SLC38A4: variants seen among roughly 807,000 people sequenced by gnomAD.
SLC38A4 encodes sodium-coupled neutral amino acid transporter 4.
A neutral mutation model predicts 63.1 loss-of-function variants in SLC38A4; 20 were observed. The observed-to-expected ratio is 0.32, with a 90% CI of 0.22 to 0.46. The LOEUF is 0.46. Among genes scored for constraint, SLC38A4 ranks in the 20% least tolerant of loss-of-function variants. The pLI is 1.00. For synonymous variants in SLC38A4, 230 were observed against 225.5 expected (o/e 1.02, Z -0.18); for missense variants, 526 against 663.6 (o/e 0.79, Z 2.28).
In SLC38A4 at chr12:46,807,008, A is replaced by G. The variant is rs571855358; in HGVS notation, c.-304-3214T>C. On this transcript the variant is annotated intron_variant, in intron 1 of 16. Transcript: ENST00000266579. Reference sequence around the variant, plus strand: ...AATTAGTCAACAATTAAAAAAAAAAATCTTAGACCATCATGGTATTTTGCA... The same window carrying G: ...AATTAGTCAACAATTAAAAAAAAAAGTCTTAGACCATCATGGTATTTTGCA... 4.5e-4 allele frequency among the ~76,000 whole-genome samples: 68 copies of G among 152,010 alleles called. No homozygotes were observed. The South Asian group carries it at 0.013, about 30-fold the overall frequency.
At chr12:46,769,528 CT>C (rs1242853263) in intron 14 of SLC38A4, 100 bp from the exon 15 acceptor site, 3 of 1,298,146 alleles carry the variant, frequency 2.3e-6, no homozygotes, top group East Asian at 4.7e-5. Context: ...CTTTCCTTTT[CT>C]TTTTTCCCAG....
At chr12:46,819,310 G>A (rs1392457726) in intron 1 of SLC38A4, among the ~76,000 whole-genome samples, 1 of 151,430 alleles carries the variant, frequency 6.6e-6, no homozygotes, top group South Asian at 2.1e-4. Flanking sequence ...GAGGGGGAGA[G>A]AGAGAGAGAG....
chr12:46,831,959 G>A (rs1206699346), intron 1 of SLC38A4, among the ~76,000 whole-genome samples: 1 of 152,044 alleles, frequency 6.6e-6, no homozygotes, highest in Non-Finnish European at 1.5e-5. Context: ...CCATACCCCA[G>A]CCCTCCTGGA....
At chr12:46,792,752 A>G (rs1938917383) in intron 3 of SLC38A4, among the ~76,000 whole-genome samples, 1 of 152,190 alleles carries the variant, frequency 6.6e-6, no homozygotes, top group Non-Finnish European at 1.5e-5. Context: ...AAGACATTGT[A>G]ACCTCAATTC....
chr12:46,807,923 G>T (rs1939266399), intron 1 of SLC38A4, among the ~76,000 whole-genome samples: 1 of 142,822 alleles, frequency 7.0e-6, no homozygotes, highest in Non-Finnish European at 1.5e-5. Context: ...AAAATTAATT[G>T]CAAACAAAGA....
chr12:46,795,438 G>A (rs1362196024), intron 2 of SLC38A4, among the ~76,000 whole-genome samples: 2 of 151,970 alleles, frequency 1.3e-5, no homozygotes, highest in Admixed American at 6.6e-5. Flanking sequence ...CATAATAAGT[G>A]AAATATAATT....
chr12:46,822,568 C>T (rs1939571848), intron 1 of SLC38A4, among the ~76,000 whole-genome samples: 1 of 152,144 alleles, frequency 6.6e-6, no homozygotes, highest in Admixed American at 6.5e-5. Flanking sequence ...CCACTGGGCA[C>T]CTACTTTATG....
chr12:46,822,417 T>TACC (rs1039296192), intron 1 of SLC38A4, among the ~76,000 whole-genome samples: 1 of 152,162 alleles, frequency 6.6e-6, no homozygotes, highest in Non-Finnish European at 1.5e-5. Context: ...AAAGGGACCC[T>TACC]ACCCCTTCTT....
rs189912050 is a variant in SLC38A4, at chr12:46,825,913, G to C, written c.-315C>G. On this transcript the variant is annotated 5_prime_UTR_variant, in exon 1 of 17. Transcript: ENST00000266579. ...AAGCAGCAAGCAAACCTGTGTGAGT[G>C]GGGTGTCCCGAGGCGGCAGCCTCCC... 6.6e-6 allele frequency: 1 copy of C among 152,456 alleles called. No homozygotes were observed. The highest frequency in any genetic ancestry group is 6.5e-5 in the Admixed American group (1 of 15,288). The allele number at this position is 152,456 out of a possible 1,614,324, so 9.4% of individuals were successfully genotyped here. A position where few individuals can be genotyped will look rare whatever the true frequency, so the allele number is the denominator to read the frequency against.
At chr12:46,780,804 C>T (rs1345046424) in intron 7 of SLC38A4, among the ~76,000 whole-genome samples, 1 of 151,862 alleles carries the variant, frequency 6.6e-6, no homozygotes, top group Non-Finnish European at 1.5e-5. Flanking sequence ...ACAATTTTGC[C>T]TACAACTGTA....
chr12:46,779,614 A>C lies in SLC38A4; in HGVS notation c.714T>G (p.Ser238Arg), dbSNP rs981450655. The change falls in exon 10 of 17, where the codon AGT becomes AGG. Residue 238 changes from serine (S) to arginine (R), a missense_variant. Physicochemically the swap from Ser to Arg is moderately radical, Grantham distance 110. Coordinates refer to ENST00000266579, the MANE Select transcript of SLC38A4 (RefSeq NM_018018.5). Reference protein sequence around the residue: ...FSLTCMVFFVSVVIYKKFQIP... With the variant: ...FSLTCMVFFVRVVIYKKFQIP... ...ATCATGTCATCACATCACTTACCAC[A>C]CTAACAAAAAACACCATGCAGGTAA... The C allele has an allele frequency of 6.9e-6, 11 of 1,602,650 alleles. No individual in the cohort carries two copies. Among genetic ancestry groups the C allele is most frequent in the Non-Finnish European group, 9.3e-6 (11 of 1,176,490 alleles).
chr12:46,769,400 A>C lies in SLC38A4; in HGVS notation c.1328T>G (p.Phe443Cys). 1 of 1,613,440 alleles carries C rather than the reference A, an allele frequency of 6.2e-7. No homozygotes were observed. The highest frequency in any genetic ancestry group is 2.2e-5 in the East Asian group (1 of 44,864). Residue 443 changes from phenylalanine to cysteine, a missense_variant, in exon 15 of 17, where the codon TTT (phenylalanine) becomes TGT (cysteine). Coordinates refer to ENST00000266579, the MANE Select transcript of SLC38A4 (RefSeq NM_018018.5). ...TATCCAGCTGAAGGGTCGTTTGGGAAATAACAGTGTGATCACTGATGTACG... is the reference window on the plus strand; with the variant it reads ...TATCCAGCTGAAGGGTCGTTTGGGACATAACAGTGTGATCACTGATGTACG... Reference protein sequence around the residue: ...PIRTSVITLLFPKRPFSWIRH... With the variant: ...PIRTSVITLLCPKRPFSWIRH...
At chr12:46,818,357 A>G (rs982867308) in intron 1 of SLC38A4, among the ~76,000 whole-genome samples, 3 of 151,798 alleles carry the variant, frequency 2.0e-5, no homozygotes, top group Non-Finnish European at 4.4e-5. Context: ...CCAGTTCCCT[A>G]TTTTATTTAA....
At chr12:46,814,888 T>G (rs1479794475) in intron 1 of SLC38A4, among the ~76,000 whole-genome samples, 1 of 151,762 alleles carries the variant, frequency 6.6e-6, no homozygotes, top group Non-Finnish European at 1.5e-5. Context: ...GAGGTTAACC[T>G]GGCTAAGATT....
In SLC38A4 at chr12:46,768,268, G is replaced by A. The variant is rs373512643; in HGVS notation, c.1542+42C>T. 10 of 1,388,034 alleles carry A rather than the reference G, an allele frequency of 7.2e-6. No homozygotes were observed. In the Admixed American group the frequency reaches 7.3e-5, roughly 10 times the overall value. The allele number at this position is 1,388,034 out of a possible 1,614,324, so 86.0% of individuals were successfully genotyped here. ...TTTTCTAGTTTATTCTAAGTAGTTG[G>A]AAGAACAACTAATAATGGGGGAAAT... On this transcript the variant is annotated intron_variant, in intron 16 of 16. Transcript: ENST00000266579.
At chr12:46,814,455 C>T (rs759518031) in intron 1 of SLC38A4, among the ~76,000 whole-genome samples, 1 of 151,904 alleles carries the variant, frequency 6.6e-6, no homozygotes, top group African/African-American at 2.4e-5. Context: ...AGTGTACTGG[C>T]AGATTTGGGG....
At chr12:46,804,861 A>G (rs913769713) in intron 1 of SLC38A4, among the ~76,000 whole-genome samples, 1 of 152,002 alleles carries the variant, frequency 6.6e-6, no homozygotes, top group Non-Finnish European at 1.5e-5. Flanking sequence ...ACTAATTTTA[A>G]CGGTAGGGAA....
At chr12:46,768,991 C>T (rs370374497) in intron 15 of SLC38A4, among the ~76,000 whole-genome samples, 2 of 152,112 alleles carry the variant, frequency 1.3e-5, no homozygotes. Context: ...GGAGCTAATA[C>T]CTAAGTCCAA....
intron 1 of SLC38A4, among the ~76,000 whole-genome samples, chr12:46,806,580 T>C (rs1204493075): frequency 6.6e-6 from 1 of 152,034 alleles, no homozygotes; most frequent in African/African-American, 2.4e-5. Flanking sequence ...AATTTGACTC[T>C]TTCTCTTGTA....
Sources: gnomAD v4.1 joint callset for allele counts (sites outside exome capture counted in the v4.1 genomes callset) on GRCh38, gnomAD v4.1.1 for gene constraint, MANE v1.5 for transcripts, NCBI Gene and HGNC (gene_info 2026-07-23, HGNC 2026-07-21) for gene names.